Variants in ST6GAL1 observed in about 807,000 individuals in gnomAD.
The protein encoded by ST6GAL1 is ST6 beta-galactoside alpha-2,6-sialyltransferase 1, also known as beta-galactoside alpha-2,6-sialyltransferase 1.
In ST6GAL1, 20 loss-of-function variants were observed where a neutral mutation model predicts 38.0. The ratio of observed to expected loss-of-function variants is 0.53; its 90% CI spans 0.37 to 0.77. The LOEUF (loss-of-function observed/expected upper bound fraction) is 0.77, where lower values mean the gene tolerates loss of function less well. Among genes scored for constraint, ST6GAL1 ranks in the 30% least tolerant of loss-of-function variants. The pLI, the probability that ST6GAL1 is intolerant of heterozygous loss-of-function variation, is 0.00. For missense variants in ST6GAL1, 432 were observed against 496.4 expected (o/e 0.87, Z 1.23); for synonymous variants, 196 against 188.2 (o/e 1.04, Z -0.34).
chr3:186,949,686 C>T (rs1714510253), intron 1 of ST6GAL1, among the ~76,000 whole-genome samples: 2 of 152,182 alleles, frequency 1.3e-5, no homozygotes, highest in Non-Finnish European at 1.5e-5. Flanking sequence ...TGCAATGTCA[C>T]CTTCCTCAGA....
chr3:186,951,660 A>G (rs1714581979), intron 1 of ST6GAL1, among the ~76,000 whole-genome samples: 1 of 152,114 alleles, frequency 6.6e-6, no homozygotes, highest in Non-Finnish European at 1.5e-5. Flanking sequence ...TCAAGTCTCT[A>G]ACACCTTCCC....
chr3:186,969,635 G>A (rs1213614590), intron 2 of ST6GAL1, among the ~76,000 whole-genome samples: 1 of 152,180 alleles, frequency 6.6e-6, no homozygotes, highest in Non-Finnish European at 1.5e-5. Flanking sequence ...TACATGACAG[G>A]AGATGGAAGC....
At chr3:187,001,210 T>C (rs189732457) in intron 2 of ST6GAL1, among the ~76,000 whole-genome samples, 2 of 152,312 alleles carry the variant, frequency 1.3e-5, no homozygotes, top group East Asian at 3.9e-4. Flanking sequence ...CATTCTGAAA[T>C]GTCCACAGCC....
At chr3:186,943,478 G>A (rs1714250342) in intron 1 of ST6GAL1, among the ~76,000 whole-genome samples, 1 of 152,044 alleles carries the variant, frequency 6.6e-6, no homozygotes, top group Admixed American at 6.6e-5. Context: ...TTTAGACGGA[G>A]TCTCGCTCTT....
rs542687483 is a variant in ST6GAL1, at chr3:187,023,007, G to A, written c.-182-15735G>A. On this transcript the variant is annotated intron_variant, in intron 2 of 7. Transcript: ENST00000169298. ...TAATCTCTATTTTACCTTAATGCTG[G>A]TCACTTGTACCTAAACCCCAAAAGG... Among the ~76,000 whole-genome samples, 91 of 152,222 alleles carry A rather than the reference G, an allele frequency of 6.0e-4. 1 individual carries two copies. Among genetic ancestry groups the A allele is most frequent in the Admixed American group, 1.0e-3 (16 of 15,296 alleles).
chr3:187,020,550 A>G (rs908449533), intron 2 of ST6GAL1, among the ~76,000 whole-genome samples: 4 of 152,342 alleles, frequency 2.6e-5, no homozygotes, highest in Middle Eastern at 3.4e-3. Flanking sequence ...TCTTAATCAG[A>G]TGAAAGCCAA....
At chr3:186,932,494 A>G (rs1331311926) in intron 1 of ST6GAL1, among the ~76,000 whole-genome samples, 1 of 152,214 alleles carries the variant, frequency 6.6e-6, no homozygotes, top group Non-Finnish European at 1.5e-5. Context: ...GAAAAAATAG[A>G]TTTAGTAATT....
chr3:186,948,279 A>G (rs994529402), intron 1 of ST6GAL1, among the ~76,000 whole-genome samples: 3 of 152,242 alleles, frequency 2.0e-5, no homozygotes, highest in Non-Finnish European at 4.4e-5. Flanking sequence ...AAGAGGGACC[A>G]GGAAGGATAG....
chr3:187,056,909 A>G (rs940795921), intron 5 of ST6GAL1, among the ~76,000 whole-genome samples: 1 of 152,108 alleles, frequency 6.6e-6, no homozygotes, highest in African/African-American at 2.4e-5. Context: ...TCCAACTTGG[A>G]TCCATTTTCC....
Position 187,074,347 on chromosome 3 carries a change from G to A in ST6GAL1, c.979+14G>A, listed in dbSNP as rs373202249. 50 of 1,550,850 alleles carry A rather than the reference G, an allele frequency of 3.2e-5. No individual in the cohort carries two copies. The highest frequency in any genetic ancestry group is 3.5e-4 in the Middle Eastern group (2 of 5,758). ...CTGGGATGCTTGGTGAGTTCATGTC[G>A]GGGAAAAGACCTTGCATGTTTGTTT... On this transcript the variant is annotated intron_variant, in intron 7 of 7. Coordinates refer to ENST00000169298, the MANE Select transcript of ST6GAL1 (RefSeq NM_173216.2).
intron 1 of ST6GAL1, among the ~76,000 whole-genome samples, chr3:186,938,139 C>G (rs1255594887): frequency 1.3e-5 from 2 of 152,158 alleles, no homozygotes; most frequent in Non-Finnish European, 2.9e-5. Context: ...CCAGATGATT[C>G]CCATAGGGTA....
intron 2 of ST6GAL1, among the ~76,000 whole-genome samples, chr3:187,001,917 C>T (rs6799007): frequency 0.18 from 27,318 of 149,518 alleles, 2,531 homozygotes; most frequent in African/African-American, 0.2. Flanking sequence ...GATCACGCCA[C>T]TGCACTCCAG....
rs1042642 is a variant in ST6GAL1 at position 187,075,941 on chromosome 3, A to G, written c.*138A>G. 596,987 of 1,328,780 alleles carry G rather than the reference A, an allele frequency of 0.45. 139,926 individuals are homozygous for G. Among genetic ancestry groups the G allele is most frequent in the African/African-American group, 0.76 (51,897 of 68,144 alleles). The allele number at this position is 1,328,780 out of a possible 1,614,324, so 82.3% of individuals were successfully genotyped here. A position where few individuals can be genotyped will look rare whatever the true frequency, so the allele number is the denominator to read the frequency against. ...GGCCTCTGTCAGCAAGACCATGGGG[A>G]CTTCAAGAGCCTGTGGTCAGGAAAT... is the stretch of plus-strand genomic sequence containing the variant. On this transcript the variant is annotated 3_prime_UTR_variant, in exon 8 of 8. Coordinates refer to ENST00000169298, the MANE Select transcript of ST6GAL1 (RefSeq NM_173216.2). This position sits in a 1 kb window ranked among gnomAD's most constrained non-coding sequence, Gnocchi z 4.1.
intron 5 of ST6GAL1, among the ~76,000 whole-genome samples, chr3:187,067,453 T>C (rs930305601): frequency 6.7e-6 from 1 of 149,256 alleles, no homozygotes. Flanking sequence ...ATGGTGTTAA[T>C]GTGGGTGAGT....
At chr3:187,055,944 T>G (rs1718685529) in intron 5 of ST6GAL1, among the ~76,000 whole-genome samples, 1 of 152,154 alleles carries the variant, frequency 6.6e-6, no homozygotes, top group African/African-American at 2.4e-5. Context: ...GGAGTCTAAG[T>G]CTCTTTGTAG....
intron 2 of ST6GAL1, among the ~76,000 whole-genome samples, chr3:187,004,208 G>A (rs12490407): frequency 0.52 from 79,531 of 152,158 alleles, 20,915 homozygotes; most frequent in African/African-American, 0.55. Flanking sequence ...AGGCCTCCCC[G>A]GCAAGTGAGC....
chr3:187,066,624 GT>G (rs1719149524), intron 5 of ST6GAL1, among the ~76,000 whole-genome samples: 1 of 151,992 alleles, frequency 6.6e-6, no homozygotes, highest in East Asian at 1.9e-4. Context: ...GTGTGTGTGT[GT>G]GTGTGTTTCT....
At chr3:186,965,195 C>T (rs1715063834) in intron 2 of ST6GAL1, among the ~76,000 whole-genome samples, 1 of 152,186 alleles carries the variant, frequency 6.6e-6, no homozygotes, top group South Asian at 2.1e-4. Context: ...GGGCACATTT[C>T]CTTCCCGGAA....
rs576354653 is a variant in ST6GAL1, at chr3:187,072,918, C to T, written c.775C>T (p.Pro259Ser). 3 of 1,613,864 alleles carry T rather than the reference C, an allele frequency of 1.9e-6. No individual in the cohort carries two copies. Among genetic ancestry groups the T allele is most frequent in the African/African-American group, 1.3e-5 (1 of 75,020 alleles). ...YNEGILIVWD[P>S]SVYHSDIPKW... Reference sequence around the variant, plus strand: ...TGAAGGAATCCTAATTGTATGGGACCCATCTGTATACCACTCAGATATCCC... The same window carrying T: ...TGAAGGAATCCTAATTGTATGGGACTCATCTGTATACCACTCAGATATCCC... The change falls in exon 6 of 8, where the codon CCA becomes TCA. Residue 259 changes from proline to serine, a missense_variant. Coordinates refer to ENST00000169298, the MANE Select transcript of ST6GAL1 (RefSeq NM_173216.2).
Sources: gnomAD v4.1 joint callset for allele counts (sites outside exome capture counted in the v4.1 genomes callset) on GRCh38, gnomAD v4.1.1 for gene constraint, Gnocchi (gnomAD v3.1) non-coding constraint, MANE v1.5 for transcripts, NCBI Gene and HGNC (gene_info 2026-07-23, HGNC 2026-07-21) for gene names.